The following AGBL1 variants were observed in gnomAD, a reference collection of about 807,000 sequenced individuals.
AGBL1 encodes the protein cytosolic carboxypeptidase 4.
Under a neutral mutation model 118.9 loss-of-function variants are expected in AGBL1, and 130 were observed. That is an observed-to-expected ratio of 1.09 (90% CI 0.95 to 1.26). The LOEUF (loss-of-function observed/expected upper bound fraction) is 1.26, where lower values mean the gene tolerates loss of function less well. Ranked by LOEUF, AGBL1 falls within the 50% of genes most tolerant of loss-of-function variation. The pLI, the probability that AGBL1 is intolerant of heterozygous loss-of-function variation, is 0.00. For missense variants in AGBL1, 1,584 were observed against 1,298.1 expected, an observed-to-expected ratio of 1.22 and a Z score of -3.38; for synonymous variants, 555 against 478.9, an observed-to-expected ratio of 1.16 and a Z score of -2.08.
chr15:86,633,041 A>C (rs2142441675), intron 21 of AGBL1, among the ~76,000 whole-genome samples: 1 of 152,358 alleles, frequency 6.6e-6, no homozygotes, highest in Non-Finnish European at 1.5e-5. Flanking sequence ...GGTAGACATA[A>C]GCCATTCTTT....
intron 1 of AGBL1, among the ~76,000 whole-genome samples, chr15:86,095,871 A>G (rs1027585217): frequency 1.3e-5 from 2 of 152,078 alleles, no homozygotes; most frequent in Non-Finnish European, 2.9e-5. Context: ...TTAATTGGCT[A>G]TGTGACCTTA....
chr15:86,713,967 C>A (rs769186340), intron 22 of AGBL1, among the ~76,000 whole-genome samples: 1 of 152,096 alleles, frequency 6.6e-6, no homozygotes, highest in South Asian at 2.1e-4. Flanking sequence ...GTGTGTCTTT[C>A]CTTGAACGCG....
intron 17 of AGBL1, among the ~76,000 whole-genome samples, chr15:86,348,314 C>T (rs1424704113): frequency 2.6e-5 from 4 of 152,164 alleles, no homozygotes; most frequent in Non-Finnish European, 1.5e-5. Context: ...GAAACCAGCC[C>T]CGCCTTGACC....
At chr15:86,391,203 T>G (rs1279841924) in intron 17 of AGBL1, among the ~76,000 whole-genome samples, 2 of 152,020 alleles carry the variant, frequency 1.3e-5, no homozygotes, top group East Asian at 3.9e-4. Flanking sequence ...TTGGTAAAAT[T>G]TATGTCTGTA....
At chr15:86,218,310 C>T (rs1245003554) in intron 5 of AGBL1, among the ~76,000 whole-genome samples, 3 of 152,042 alleles carry the variant, frequency 2.0e-5, no homozygotes, top group Non-Finnish European at 4.4e-5. Flanking sequence ...TGTTCAACTT[C>T]TGGGAAGATA....
chr15:86,202,828 T>A (rs1056231496), intron 5 of AGBL1, among the ~76,000 whole-genome samples: 1 of 152,212 alleles, frequency 6.6e-6, no homozygotes, highest in African/African-American at 2.4e-5. Flanking sequence ...AAAGCCCTGG[T>A]GCTAAGTGCT....
intron 21 of AGBL1, among the ~76,000 whole-genome samples, chr15:86,635,767 A>G (rs2085072253): frequency 6.6e-6 from 1 of 152,332 alleles, no homozygotes. Flanking sequence ...CACCCATCAC[A>G]TAGGTCAACA....
intron 24 of AGBL1, chr15:87,028,722 G>T (rs1399468968): frequency 3.0e-6 from 3 of 1,011,478 alleles, no homozygotes; most frequent in South Asian, 1.4e-5. Flanking sequence ...TGAGGAAAAT[G>T]AATTTCGTAT....
rs781066217 is a variant in AGBL1 at position 86,262,907 on chromosome 15, C to G, written c.1086+13C>G. 2.7e-5 allele frequency: 43 copies of G among 1,569,930 alleles called. No homozygotes were observed. The highest frequency in any genetic ancestry group is 5.2e-6 in the Non-Finnish European group (6 of 1,149,526). On this transcript the variant is annotated intron_variant, in intron 10 of 22. Transcript: ENST00000614907. ...CTATAGCTTTGAGGTAGGACATATG[C>G]TGTGGTTCTGATCTTTGACGATGCA...
chr15:86,839,869 GA>G (rs1184843138), intron 22 of AGBL1, among the ~76,000 whole-genome samples: 3 of 152,104 alleles, frequency 2.0e-5, no homozygotes, highest in Non-Finnish European at 4.4e-5. Context: ...TTATTCCTCT[GA>G]GATTCCCCTT....
chr15:86,968,865 C>A (rs774733059), intron 23 of AGBL1, among the ~76,000 whole-genome samples: 6 of 151,860 alleles, frequency 4.0e-5, no homozygotes, highest in Non-Finnish European at 8.8e-5. Flanking sequence ...CCCCTTGTAG[C>A]TTTCTCACAT....
intron 17 of AGBL1, among the ~76,000 whole-genome samples, chr15:86,338,308 G>T (rs1396401957): frequency 6.6e-6 from 1 of 152,048 alleles, no homozygotes; most frequent in Non-Finnish European, 1.5e-5. Flanking sequence ...TAATCAGGGA[G>T]GTCAGGTGGC....
At chr15:86,959,441 T>G (rs2080968980) in intron 23 of AGBL1, among the ~76,000 whole-genome samples, 2 of 152,098 alleles carry the variant, frequency 1.3e-5, no homozygotes, top group African/African-American at 4.8e-5. Flanking sequence ...TGACCAGAAG[T>G]GGTTTCACAT....
At chr15:86,753,546 C>T (rs182481476) in intron 22 of AGBL1, among the ~76,000 whole-genome samples, 2 of 151,922 alleles carry the variant, frequency 1.3e-5, no homozygotes, top group African/African-American at 4.8e-5. Context: ...TACAGACACC[C>T]ACCACCACAC....
At chr15:86,194,964 C>A (rs1043401966) in intron 5 of AGBL1, among the ~76,000 whole-genome samples, 1 of 152,190 alleles carries the variant, frequency 6.6e-6, no homozygotes, top group African/African-American at 2.4e-5. Context: ...CCTGTAGACA[C>A]TATTTTATGA....
chr15:86,204,305 G>C (rs1001534613), intron 5 of AGBL1, among the ~76,000 whole-genome samples: 1 of 152,044 alleles, frequency 6.6e-6, no homozygotes, highest in Non-Finnish European at 1.5e-5. Context: ...CTCACTCCTG[G>C]TATTCTTTAA....
intron 5 of AGBL1, among the ~76,000 whole-genome samples, chr15:86,184,477 G>A (rs1567111124): frequency 6.8e-6 from 1 of 146,260 alleles, no homozygotes; most frequent in Non-Finnish European, 1.5e-5. Context: ...GCTTAAAAAT[G>A]GAGTCTTAAA....
chr15:86,381,226 TTGTC>T (rs1272591022), intron 17 of AGBL1, among the ~76,000 whole-genome samples: 1 of 152,190 alleles, frequency 6.6e-6, no homozygotes, highest in Non-Finnish European at 1.5e-5. Context: ...TTTGCCATCA[TTGTC>T]TGTAATTGGG....
intron 23 of AGBL1, among the ~76,000 whole-genome samples, chr15:86,955,687 T>C (rs2080922599): frequency 6.6e-6 from 1 of 152,118 alleles, no homozygotes; most frequent in Non-Finnish European, 1.5e-5. Flanking sequence ...CTATGAAATA[T>C]ACATGATTGA....
Sources: allele counts gnomAD v4.1 joint callset (sites outside exome capture counted in the v4.1 genomes callset), GRCh38; gene constraint gnomAD v4.1.1; transcripts MANE v1.5; gene names NCBI Gene and HGNC (gene_info 2026-07-23, HGNC 2026-07-21).